The following L1CAM variants were observed in gnomAD, a reference collection of about 807,000 sequenced individuals.
L1CAM encodes neural cell adhesion molecule L1.
A neutral mutation model predicts 93.0 loss-of-function variants in L1CAM; 8 were observed. The observed-to-expected ratio is 0.09, with a 90% CI of 0.05 to 0.16. The LOEUF (loss-of-function observed/expected upper bound fraction) is 0.16. Ranked by LOEUF, L1CAM falls within the 10% of genes least tolerant of loss-of-function variation. The pLI is 1.00. For synonymous variants in L1CAM, 453 were observed against 453.0 expected (o/e 1.00, Z 0.00); for missense variants, 777 against 1,073.4 (o/e 0.72, Z 3.86).
chrX:153,863,733 G>C, intron 26 of L1CAM, 150 bp downstream of exon 26: 1 of 923,744 alleles, frequency 1.1e-6, no homozygotes, highest in Non-Finnish European at 1.5e-6. Context: ...CCCCGGCCTG[G>C]GAGGATGATC....
rs782346089 is a variant in L1CAM, at chrX:153,868,915, C to T, written c.1305G>A (p.Thr435=). ...PAKILTADNQ[T]YMAVQGSTAY... The stretch of plus-strand genomic sequence containing the variant: ...CAGTGCTGCCCTGGACAGCCATGTA[C>T]GTCTGATTGTCCGCAGTCAGGATCT... Residue 435 remains threonine (T), a synonymous_variant, in exon 12 of 29, where the codon ACG becomes ACA. Transcript: ENST00000370060. The T allele has an allele frequency of 5.8e-6, 7 of 1,209,928 alleles. No individual in the cohort carries two copies. In the Admixed American group the frequency reaches 6.5e-5, roughly 11 times the overall value.
chrX:153,876,173 C>A, intron 1 of L1CAM: 1 of 432,262 alleles, frequency 2.3e-6, no homozygotes, highest in Non-Finnish European at 4.0e-6. Flanking sequence ...GCCTTTTATT[C>A]CCTCTCTACT....
chrX:153,872,371 G>A lies in L1CAM; in HGVS notation c.198-17C>T, dbSNP rs781828081. On this transcript the variant is annotated splice_polypyrimidine_tract_variant and intron_variant, in intron 4 of 28. Coordinates refer to ENST00000370060, the MANE Select transcript of L1CAM (RefSeq NM_001278116.2). ...CAGCGGAACCTGTGGGCGGAAAAAG[G>A]CCCAGAGGCCTGAGGCCCTGGAACC... The A allele has an allele frequency of 8.3e-7, 1 of 1,201,171 alleles. No homozygotes were observed. Among genetic ancestry groups the A allele is most frequent in the Admixed American group, 2.2e-5 (1 of 45,637 alleles).
rs1603277344 is a variant in L1CAM, at chrX:153,875,486, G to T, written c.76+275C>A. 1.3e-5 allele frequency: 6 copies of T among 460,984 alleles called. No individual in the cohort carries two copies. In the East Asian group the frequency reaches 2.4e-4, roughly 18 times the overall value. The allele number at this position is 460,984 out of a possible 1,213,427, so 38.0% of individuals were successfully genotyped here. ...GAGCATGGAGGAGGCCCAAGACCTCGGGGCCCTGCTCCAGGTTCGCTGTCC... is the reference window on the plus strand; with the variant it reads ...GAGCATGGAGGAGGCCCAAGACCTCTGGGCCCTGCTCCAGGTTCGCTGTCC... On this transcript the variant is annotated intron_variant, in intron 2 of 28. Transcript: ENST00000370060.
intron 26 of L1CAM, 136 bp downstream of exon 26, chrX:153,863,747 C>G (rs1260335243): frequency 1.0e-6 from 1 of 972,904 alleles, no homozygotes; most frequent in Non-Finnish European, 1.4e-6. Context: ...GATGATCCCC[C>G]TGCCTGCCCC....
chrX:153,865,598 C>T, intron 20 of L1CAM, 98 bp from the exon 21 acceptor site: 1 of 1,031,807 alleles, frequency 9.7e-7, no homozygotes, highest in Non-Finnish European at 1.4e-6. Flanking sequence ...CTCCTCTCAA[C>T]CCAAGTCTTC....
At chrX:153,872,108 G>A (rs201237428) in intron 5 of L1CAM, 44 bp downstream of exon 5, 30 of 1,101,602 alleles carry the variant, frequency 2.7e-5, no homozygotes, top group Middle Eastern at 2.5e-4. Flanking sequence ...AATCCCACAC[G>A]AACTCCGGGA....
intron 2 of L1CAM, 35 bp from the exon 3 acceptor site, chrX:153,873,277 G>A (rs781856407): frequency 8.3e-7 from 1 of 1,197,668 alleles, no homozygotes; most frequent in African/African-American, 1.7e-5. Context: ...GGGAGGGAAT[G>A]GAGAGAAATA....
Position 153,869,625 on chromosome X carries a change from C to T in L1CAM, c.1162G>A (p.Ala388Thr), listed in dbSNP as rs782570664. The T allele has an allele frequency of 1.9e-5, 23 of 1,207,764 alleles. No homozygotes were observed. Among genetic ancestry groups the T allele is most frequent in the Middle Eastern group, 4.6e-4 (2 of 4,371 alleles). Reference protein sequence around the residue: ...KDQKYRIQRGALILSNVQPSD... With the variant: ...KDQKYRIQRGTLILSNVQPSD... Reference sequence around the variant, plus strand: ...GGCTGCACGTTGCTCAGGATCAGGGCGCCACGCTGAATCCGGTACTTCTGG... The same window carrying T: ...GGCTGCACGTTGCTCAGGATCAGGGTGCCACGCTGAATCCGGTACTTCTGG... The change falls in exon 11 of 29, where the codon GCC becomes ACC. Residue 388 changes from alanine to threonine, a missense_variant. Transcript: ENST00000370060.
chrX:153,863,015 G>T, intron 28 of L1CAM, 121 bp from the exon 29 acceptor site: 3 of 551,728 alleles, frequency 5.4e-6, no homozygotes, highest in Non-Finnish European at 8.8e-6. Flanking sequence ...AGAAAGAGCA[G>T]CTCTGGCCAC....
chrX:153,872,585 C>T lies in L1CAM; in HGVS notation c.197+7G>A, dbSNP rs781974213. 5 of 1,172,480 alleles carry T rather than the reference C, an allele frequency of 4.3e-6. No homozygotes were observed. The highest frequency in any genetic ancestry group is 3.6e-5 in the South Asian group (2 of 56,137). On this transcript the variant is annotated splice_region_variant and intron_variant, in intron 4 of 28. Transcript: ENST00000370060. ...CAACAGGGGCTGAGACGGCAGAGAT[C>T]ACTCACTGCACTTCGGGCTTGCCAC...
chrX:153,867,488 G>T lies in L1CAM; in HGVS notation c.2005C>A (p.Pro669Thr), dbSNP rs1557091372. The T allele has an allele frequency of 3.3e-6, 4 of 1,210,526 alleles. No homozygotes were observed. The highest frequency in any genetic ancestry group is 3.4e-6 in the Non-Finnish European group (3 of 894,161). Residue 669 changes from proline to threonine, a missense_variant, in exon 17 of 29, where the codon CCA becomes ACA. Transcript: ENST00000370060. ...AGGGTGGTAGAGGTCTGGTTCCCTG[G>T]AACCTTGCCCAGACTGTACCATTTT... Reference protein sequence around the residue: ...PEKWYSLGKVPGNQTSTTLKL... With the variant: ...PEKWYSLGKVTGNQTSTTLKL...
At chrX:153,866,532 T>G (rs1482769891) in intron 19 of L1CAM, 117 bp downstream of exon 19, 7 of 518,861 alleles carry the variant, frequency 1.3e-5, no homozygotes, top group Non-Finnish European at 2.3e-5. Flanking sequence ...TCTGGTTATG[T>G]AAGAGAATAT....
chrX:153,874,611 T>A (rs1461512213), intron 2 of L1CAM, among the ~76,000 whole-genome samples: 1 of 112,050 alleles, frequency 8.9e-6, no homozygotes, highest in East Asian at 2.8e-4. Context: ...CCCCAGCCTC[T>A]CTCTCGCAGC....
chrX:153,876,362 G>A (rs1311270926), intron 1 of L1CAM: 1 of 191,705 alleles, frequency 5.2e-6, no homozygotes, highest in South Asian at 9.9e-5. Context: ...GTATTTCTGT[G>A]GTGTGTCTTC....
intron 28 of L1CAM, among the ~76,000 whole-genome samples, chrX:153,863,119 G>T (rs1453845823): frequency 3.6e-5 from 4 of 112,300 alleles, no homozygotes; most frequent in African/African-American, 1.3e-4. Context: ...GGGGATTATG[G>T]GGCCTGGTTC....
rs202107752 is a variant in L1CAM at position 153,868,045 on chromosome X, C to T, written c.1781G>A (p.Ser594Asn). 1.5e-5 allele frequency: 18 copies of T among 1,211,072 alleles called. No individual in the cohort carries two copies. Among genetic ancestry groups the T allele is most frequent in the Non-Finnish European group, 1.9e-5 (17 of 895,250 alleles). ...SDQGNYSCVASTELDVVESRA... is the reference protein window; with the variant it reads ...SDQGNYSCVANTELDVVESRA... Reference sequence around the variant, plus strand: ...ACTCTCCACCACATCCAGTTCGGTACTGGCCACGCAGCTGTAGTTGCCCTG... The same window carrying T: ...ACTCTCCACCACATCCAGTTCGGTATTGGCCACGCAGCTGTAGTTGCCCTG... The change falls in exon 15 of 29, where the codon AGT becomes AAT. Residue 594 changes from serine to asparagine, a missense_variant. Around this residue, in one of 5 missense-constraint regions of L1CAM, gnomAD observed 574 missense variants for 781.0 expected, o/e 0.73. Transcript: ENST00000370060.
chrX:153,880,795 A>T (rs1557095588), intron 1 of L1CAM: 1 of 272,923 alleles, frequency 3.7e-6, no homozygotes, highest in Admixed American at 4.8e-5. Context: ...GGGAGCCCCC[A>T]CAGGTACCTG....
chrX:153,880,443 G>A (rs1005557988), intron 1 of L1CAM: 2 of 235,154 alleles, frequency 8.5e-6, no homozygotes, highest in Non-Finnish European at 1.6e-5. Flanking sequence ...TGTCTCCTGG[G>A]GACATGGTGC....
Sources: allele counts gnomAD v4.1 joint callset (sites outside exome capture counted in the v4.1 genomes callset), GRCh38; gene constraint gnomAD v4.1.1; regional missense constraint gnomAD v4.1.1; transcripts MANE v1.5; gene names NCBI Gene and HGNC (gene_info 2026-07-23, HGNC 2026-07-21).